Variants in ARK2C observed in about 807,000 individuals in gnomAD.
The protein encoded by ARK2C is arkadia (RNF111) C-terminal like ring finger ubiquitin ligase 2C.
chr18:46,447,884 C>A, the ARK2C span, among the ~76,000 whole-genome samples: 7 of 149,732 alleles, frequency 4.7e-5, no homozygotes, highest in Non-Finnish European at 1.0e-4. Context: ...TGTGCCCTGG[C>A]CTTCTTGTGT....
At chr18:46,379,689 G>T in the ARK2C span, among the ~76,000 whole-genome samples, 1 of 152,186 alleles carries the variant, frequency 6.6e-6, no homozygotes, top group African/African-American at 2.4e-5. Flanking sequence ...TCCAGAGGTG[G>T]CCAGTTCATT....
At chr18:46,414,985 A>G in the ARK2C span, among the ~76,000 whole-genome samples, 1 of 152,196 alleles carries the variant, frequency 6.6e-6, no homozygotes, top group South Asian at 2.1e-4. Context: ...CTTTATTCTC[A>G]GCTCATGGAC....
the ARK2C span, among the ~76,000 whole-genome samples, chr18:46,397,667 TG>T: frequency 1.1e-5 from 1 of 95,232 alleles, no homozygotes; most frequent in African/African-American, 4.3e-5. Flanking sequence ...GGGGCAGAAT[TG>T]TGTGTGTGTG....
At chr18:46,340,420 T>C in the ARK2C span, among the ~76,000 whole-genome samples, 5 of 151,798 alleles carry the variant, frequency 3.3e-5, no homozygotes, top group South Asian at 2.1e-4. Context: ...TGAGTGTTCA[T>C]TGAATACTTA....
chr18:46,407,148 G>T, the ARK2C span, among the ~76,000 whole-genome samples: 2 of 152,146 alleles, frequency 1.3e-5, no homozygotes, highest in African/African-American at 4.8e-5. Flanking sequence ...GAATTCCCCT[G>T]AGTTTGAGAT....
the ARK2C span, among the ~76,000 whole-genome samples, chr18:46,360,778 T>G: frequency 6.6e-6 from 1 of 152,206 alleles, no homozygotes; most frequent in Non-Finnish European, 1.5e-5. Flanking sequence ...GAGGCGGGTA[T>G]GTGGAATCCT....
At chr18:46,408,573 AAG>A in the ARK2C span, among the ~76,000 whole-genome samples, 6 of 152,200 alleles carry the variant, frequency 3.9e-5, no homozygotes, top group Admixed American at 2.0e-4. Context: ...TGCGGGGAGG[AAG>A]AGAGCACATC....
chr18:46,387,749 C>T, the ARK2C span, among the ~76,000 whole-genome samples: 1 of 152,256 alleles, frequency 6.6e-6, no homozygotes. Context: ...TAGTCTTCAT[C>T]ATCGAGGACT....
the ARK2C span, among the ~76,000 whole-genome samples, chr18:46,376,062 C>G: frequency 2.0e-5 from 3 of 152,208 alleles, no homozygotes; most frequent in African/African-American, 7.2e-5. Context: ...GGGCCGGGCC[C>G]GGGGTCATCA....
At chr18:46,399,799 C>G in the ARK2C span, among the ~76,000 whole-genome samples, 1 of 152,232 alleles carries the variant, frequency 6.6e-6, no homozygotes, top group Non-Finnish European at 1.5e-5. Context: ...CATCCTCCTC[C>G]CCTCACCAGG....
the ARK2C span, among the ~76,000 whole-genome samples, chr18:46,379,074 G>A: frequency 8.5e-5 from 13 of 152,226 alleles, no homozygotes; most frequent in Non-Finnish European, 7.3e-5. Context: ...AGAGTGTGTG[G>A]GTGTTGGGGG....
chr18:46,448,948 C>T, the ARK2C span, among the ~76,000 whole-genome samples: 1 of 152,126 alleles, frequency 6.6e-6, no homozygotes, highest in Non-Finnish European at 1.5e-5. Context: ...TAATAAGGAG[C>T]TTGCATGAGT....
chr18:46,412,595 T>C, the ARK2C span, among the ~76,000 whole-genome samples: 1 of 152,190 alleles, frequency 6.6e-6, no homozygotes, highest in South Asian at 2.1e-4. Context: ...TTGGTCAGTT[T>C]CTTCTCACTT....
At chr18:46,394,666 C>T in the ARK2C span, among the ~76,000 whole-genome samples, 13 of 152,288 alleles carry the variant, frequency 8.5e-5, no homozygotes, top group East Asian at 3.9e-4. Context: ...ATGACCCTGG[C>T]GAGGTTACTT....
chr18:46,410,573 G>A, the ARK2C span, among the ~76,000 whole-genome samples: 1 of 152,208 alleles, frequency 6.6e-6, no homozygotes, highest in East Asian at 1.9e-4. Flanking sequence ...TTTCGTCCCA[G>A]GAAGATGCTG....
chr18:46,407,770 T>C, the ARK2C span, among the ~76,000 whole-genome samples: 1 of 152,252 alleles, frequency 6.6e-6, no homozygotes, highest in Non-Finnish European at 1.5e-5. Context: ...GAGAATACTA[T>C]GTTTAGAGAA....
chr18:46,460,666 A>T, the ARK2C span: 8 of 152,560 alleles, frequency 5.2e-5, no homozygotes, highest in Non-Finnish European at 7.3e-5. Context: ...CAAAAAAAAA[A>T]TTTAAATAAA....
At chr18:46,398,527 G>A in the ARK2C span, among the ~76,000 whole-genome samples, 51 of 152,128 alleles carry the variant, frequency 3.4e-4, 1 homozygote, top group Admixed American at 1.3e-3. Context: ...GACAGTGTCC[G>A]GTGAGATATC....
the ARK2C span, among the ~76,000 whole-genome samples, chr18:46,356,166 A>T: frequency 6.6e-6 from 1 of 152,210 alleles, no homozygotes; most frequent in African/African-American, 2.4e-5. Flanking sequence ...TGAAAAACAA[A>T]TTGCCTTATT....
Sources: gnomAD v4.1 joint callset for allele counts (sites outside exome capture counted in the v4.1 genomes callset) on GRCh38, gnomAD v4.1.1 for gene constraint, MANE v1.5 for transcripts, NCBI Gene and HGNC (gene_info 2026-07-23, HGNC 2026-07-21) for gene names.